KIF26B: variants seen among roughly 807,000 people sequenced by gnomAD.
KIF26B encodes the protein kinesin family member 26B.
KIF26B carries 63 observed loss-of-function variants against 151.2 expected under a neutral mutation model. That is an observed-to-expected ratio of 0.42 (90% CI 0.34 to 0.51). The LOEUF (loss-of-function observed/expected upper bound fraction) is 0.51. Among genes scored for constraint, KIF26B ranks in the 20% least tolerant of loss-of-function variants. The pLI is 0.07. For synonymous variants in KIF26B, 1,357 were observed against 1,262.1 expected (o/e 1.08, Z -1.59); for missense variants, 2,813 against 2,913.6 (o/e 0.97, Z 0.79).
chr1:245,290,971 C>T (rs1042471748), intron 2 of KIF26B, among the ~76,000 whole-genome samples: 10 of 152,212 alleles, frequency 6.6e-5, no homozygotes, highest in African/African-American at 1.9e-4. Context: ...GCTTCCAGGC[C>T]GTTGAGTGCT....
intron 4 of KIF26B, among the ~76,000 whole-genome samples, chr1:245,510,311 A>T (rs1345742569): frequency 6.6e-6 from 1 of 152,180 alleles, no homozygotes; most frequent in Non-Finnish European, 1.5e-5. Context: ...GTGCATGCAG[A>T]TGTTATTCTC....
intron 2 of KIF26B, among the ~76,000 whole-genome samples, chr1:245,264,901 C>CA (rs909538216): frequency 8.4e-4 from 113 of 134,226 alleles, no homozygotes; most frequent in East Asian, 6.8e-3. Flanking sequence ...TCAAAAAAAA[C>CA]AAAAAAAAAG....
chr1:245,395,725 C>T (rs1182284504), intron 3 of KIF26B, among the ~76,000 whole-genome samples: 1 of 152,166 alleles, frequency 6.6e-6, no homozygotes, highest in Non-Finnish European at 1.5e-5. Context: ...GATATACCCC[C>T]CAAAGTGTCA....
Position 245,268,198 on chromosome 1 carries a change from G to A in KIF26B, c.466-98636G>A, listed in dbSNP as rs140610201. 8.5e-4 allele frequency among the ~76,000 whole-genome samples: 129 copies of A among 152,058 alleles called. 1 individual carries two copies. Among genetic ancestry groups the A allele is most frequent in the African/African-American group, 3.0e-3 (125 of 41,484 alleles). ...AAAGAAATAATAACAGGCCTGGCGC[G>A]GTGGCTCATGCCTGTAATCCCAGCA... On this transcript the variant is annotated intron_variant, in intron 2 of 14. Transcript: ENST00000407071.
At chr1:245,689,896 C>A (rs760401356) in intron 12 of KIF26B, among the ~76,000 whole-genome samples, 7 of 152,144 alleles carry the variant, frequency 4.6e-5, no homozygotes, top group Non-Finnish European at 8.8e-5. Context: ...TCAAAAGGCA[C>A]GTACTCCAGA....
chr1:245,591,071 C>T (rs1454092199), intron 5 of KIF26B, among the ~76,000 whole-genome samples: 1 of 152,152 alleles, frequency 6.6e-6, no homozygotes, highest in East Asian at 1.9e-4. Context: ...GGAATGGGCT[C>T]TTACAACACT....
intron 2 of KIF26B, among the ~76,000 whole-genome samples, chr1:245,157,327 G>T (rs1176492517): frequency 6.6e-6 from 1 of 152,206 alleles, no homozygotes; most frequent in African/African-American, 2.4e-5. Flanking sequence ...GCCCCCAGGG[G>T]ATAGCAATGC....
chr1:245,444,278 C>A (rs1659197790), intron 4 of KIF26B, among the ~76,000 whole-genome samples: 1 of 152,240 alleles, frequency 6.6e-6, no homozygotes, highest in East Asian at 1.9e-4. Context: ...AATCCCAGGC[C>A]TTTTCAGCGG....
intron 3 of KIF26B, among the ~76,000 whole-genome samples, chr1:245,392,774 T>C (rs1673730751): frequency 6.6e-6 from 1 of 152,230 alleles, no homozygotes; most frequent in Admixed American, 6.5e-5. Context: ...TGTTGGCCTG[T>C]TCTATGAAAT....
At chr1:245,334,944 G>A (rs966067864) in intron 2 of KIF26B, among the ~76,000 whole-genome samples, 1 of 152,210 alleles carries the variant, frequency 6.6e-6, no homozygotes, top group Admixed American at 6.5e-5. Context: ...GTTGGGATTT[G>A]AACCCAGGTC....
intron 9 of KIF26B, among the ~76,000 whole-genome samples, chr1:245,629,452 A>G (rs1453593760): frequency 1.3e-5 from 2 of 152,338 alleles, no homozygotes; most frequent in East Asian, 3.9e-4. Flanking sequence ...ACACATCTAC[A>G]ACAATCTGAT....
rs2043449388 is a variant in KIF26B, at chr1:245,606,031, T to C, written c.1558-1620T>C. ...TTAGTCCATTGGGCAGCCTTCTGCC[T>C]GCTCTGCAGACACGCCTCTGGCAAA... On this transcript the variant is annotated intron_variant, in intron 6 of 14. Transcript: ENST00000407071. The surrounding 1 kb of genome is among the most constrained non-coding windows in gnomAD (Gnocchi z 4.6). 6.6e-6 allele frequency among the ~76,000 whole-genome samples: 1 copy of C among 152,206 alleles called. No individual in the cohort carries two copies. Among genetic ancestry groups the C allele is most frequent in the South Asian group, 2.1e-4 (1 of 4,832 alleles).
intron 10 of KIF26B, among the ~76,000 whole-genome samples, chr1:245,671,113 T>C (rs1247492731): frequency 1.3e-5 from 2 of 152,188 alleles, no homozygotes; most frequent in Non-Finnish European, 2.9e-5. Context: ...TGTCTTTCTG[T>C]TCCTGGCTTA....
At chr1:245,264,709 A>T (rs942239085) in intron 2 of KIF26B, among the ~76,000 whole-genome samples, 6 of 151,478 alleles carry the variant, frequency 4.0e-5, no homozygotes, top group Admixed American at 3.9e-4. Context: ...CCTGGCTAAC[A>T]AGGTGAAACC....
chr1:245,678,146 A>G (rs2044378156), intron 10 of KIF26B, among the ~76,000 whole-genome samples: 1 of 152,024 alleles, frequency 6.6e-6, no homozygotes, highest in Admixed American at 6.6e-5. Context: ...GGTGAGGAGG[A>G]TATTTGAACA....
rs573262955 is a variant in KIF26B, at chr1:245,281,964, A to C, written c.466-84870A>C. ...GCTCTGTTCTGTTCCATTGATCTAT[A>C]TCTCTGTTTTGGTACCAGTACCATG... On this transcript the variant is annotated intron_variant, in intron 2 of 14. Coordinates refer to ENST00000407071, the MANE Select transcript of KIF26B (RefSeq NM_018012.4). 7.8e-4 allele frequency among the ~76,000 whole-genome samples: 118 copies of C among 152,088 alleles called. No individual in the cohort carries two copies. The Middle Eastern group carries it at 0.017, about 22-fold the overall frequency.
At chr1:245,182,636 T>G (rs2103528245) in intron 2 of KIF26B, among the ~76,000 whole-genome samples, 1 of 152,284 alleles carries the variant, frequency 6.6e-6, no homozygotes. Flanking sequence ...TTTAACATTT[T>G]GAGAAACTTT....
In KIF26B at chr1:245,501,093, A is replaced by AT. The variant is rs111750811; in HGVS notation, c.1167-39673dup. ...CTGGCCATCCTGTGAGGTCAGTACC[A>AT]TATTATCCCCATTTCGTGGACAGAA... On this transcript the variant is annotated intron_variant, in intron 4 of 14. Transcript: ENST00000407071. 3.0e-3 allele frequency among the ~76,000 whole-genome samples: 459 copies of AT among 152,326 alleles called. 3 individuals carry two copies. Among genetic ancestry groups the AT allele is most frequent in the African/African-American group, 0.01 (424 of 41,582 alleles).
intron 9 of KIF26B, among the ~76,000 whole-genome samples, chr1:245,632,016 T>C (rs1217584432): frequency 6.6e-6 from 1 of 152,060 alleles, no homozygotes; most frequent in African/African-American, 2.4e-5. Context: ...CTTGATCCTT[T>C]GTAATTTTTG....
Sources: allele counts gnomAD v4.1 joint callset (sites outside exome capture counted in the v4.1 genomes callset), GRCh38; gene constraint gnomAD v4.1.1; non-coding constraint Gnocchi (gnomAD v3.1); transcripts MANE v1.5; gene names NCBI Gene and HGNC (gene_info 2026-07-23, HGNC 2026-07-21).